The following DOCK2 variants were observed in gnomAD, a reference collection of about 807,000 sequenced individuals.
DOCK2 encodes dedicator of cytokinesis protein 2.
In DOCK2, 87 loss-of-function variants were observed where a neutral mutation model predicts 248.9. The observed-to-expected ratio is 0.35, with a 90% CI of 0.29 to 0.42. DOCK2 has a LOEUF of 0.42. DOCK2 is among the 10% of genes least tolerant of loss of function. The pLI is 1.00. For missense variants in DOCK2, 1,747 were observed against 2,300.2 expected, an observed-to-expected ratio of 0.76 and a Z score of 4.92; for synonymous variants, 805 against 821.6, an observed-to-expected ratio of 0.98 and a Z score of 0.35.
chr5:169,875,336 T>C (rs1311888150), intron 27 of DOCK2: 2 of 456,538 alleles, frequency 4.4e-6, no homozygotes, highest in South Asian at 1.5e-5. Context: ...GAGGTTCCGA[T>C]GCAGATGGTC....
intron 28 of DOCK2, among the ~76,000 whole-genome samples, chr5:169,983,676 A>G (rs1259840857): frequency 6.6e-6 from 1 of 152,136 alleles, no homozygotes; most frequent in African/African-American, 2.4e-5. Context: ...AGCCCAGCCC[A>G]GGCTGTTCCT....
chr5:169,882,624 C>T (rs964343957), intron 27 of DOCK2: 10 of 1,551,688 alleles, frequency 6.4e-6, no homozygotes, highest in African/African-American at 4.1e-5. Context: ...TCTCTTGGTT[C>T]GAGTGCAGAG....
chr5:170,069,461 G>T (rs572306644), intron 46 of DOCK2, among the ~76,000 whole-genome samples: 1 of 152,300 alleles, frequency 6.6e-6, no homozygotes, highest in South Asian at 2.1e-4. Flanking sequence ...ATGCTGGATG[G>T]TGCCAAGATT....
intron 44 of DOCK2, among the ~76,000 whole-genome samples, chr5:170,065,476 CA>C (rs1554129593): frequency 0.019 from 2,809 of 144,382 alleles, 78 homozygotes; most frequent in African/African-American, 0.075. Flanking sequence ...ACAACAACAA[CA>C]AAAAAACCTA....
At chr5:169,936,898 C>G (rs1776025167) in intron 27 of DOCK2, among the ~76,000 whole-genome samples, 1 of 152,232 alleles carries the variant, frequency 6.6e-6, no homozygotes, top group Non-Finnish European at 1.5e-5. Context: ...GAGCCAGACA[C>G]TTAATAATTC....
Position 169,747,521 on chromosome 5 carries a change from A to G in DOCK2, c.2376+17A>G, listed in dbSNP as rs759826404. Reference sequence around the variant, plus strand: ...CTTTTGCAGGTTGGTTTATGCTACAATAAAATCTATCTTCTCCTTGGCCAT... The same window carrying G: ...CTTTTGCAGGTTGGTTTATGCTACAGTAAAATCTATCTTCTCCTTGGCCAT... On this transcript the variant is annotated intron_variant, in intron 23 of 51. Transcript: ENST00000520908. 3.1e-6 allele frequency: 5 copies of G among 1,596,708 alleles called. No homozygotes were observed. Among genetic ancestry groups the G allele is most frequent in the African/African-American group, 1.3e-5 (1 of 74,258 alleles).
chr5:169,977,033 G>A (rs916951960), intron 27 of DOCK2, among the ~76,000 whole-genome samples: 2 of 152,192 alleles, frequency 1.3e-5, no homozygotes, highest in Admixed American at 6.5e-5. Context: ...GTCACTGCAC[G>A]CAAAGACAGA....
intron 28 of DOCK2, 64 bp from the exon 29 acceptor site, chr5:169,985,764 G>A: frequency 1.4e-6 from 2 of 1,383,662 alleles, no homozygotes; most frequent in Non-Finnish European, 1.9e-6. Context: ...AAAATTTGAA[G>A]AGCCAACAAG....
At chr5:169,911,326 T>C (rs1315948195) in intron 27 of DOCK2, among the ~76,000 whole-genome samples, 1 of 152,180 alleles carries the variant, frequency 6.6e-6, no homozygotes, top group Non-Finnish European at 1.5e-5. Context: ...TGTATGAATT[T>C]CTGTTTATTA....
At chr5:169,882,875 G>C in intron 27 of DOCK2, 1 of 1,551,608 alleles carries the variant, frequency 6.4e-7, no homozygotes, top group Non-Finnish European at 8.7e-7. Flanking sequence ...TTAGTTTTGA[G>C]TGACACCAGA....
chr5:169,675,146 G>A (rs1759259701), intron 6 of DOCK2, among the ~76,000 whole-genome samples: 1 of 152,214 alleles, frequency 6.6e-6, no homozygotes, highest in South Asian at 2.1e-4. Context: ...TTTCAGTAGG[G>A]TAGGTAACTT....
At chr5:169,765,384 G>T (rs1242324209) in intron 25 of DOCK2, among the ~76,000 whole-genome samples, 4 of 152,172 alleles carry the variant, frequency 2.6e-5, no homozygotes, top group Non-Finnish European at 5.9e-5. Flanking sequence ...AGTGAGAGGA[G>T]AACTGAGAAA....
intron 25 of DOCK2, among the ~76,000 whole-genome samples, chr5:169,797,021 G>A (rs10073677): frequency 0.53 from 80,435 of 152,116 alleles, 23,077 homozygotes; most frequent in East Asian, 0.79. Context: ...TGTGCAGGGA[G>A]CAGGTAGGGT....
chr5:169,675,791 C>T (rs1181446456), intron 6 of DOCK2, among the ~76,000 whole-genome samples: 2 of 152,216 alleles, frequency 1.3e-5, no homozygotes, highest in African/African-American at 4.8e-5. Context: ...CCAGGCCAGG[C>T]TTTCTTGCCC....
intron 25 of DOCK2, 26 bp downstream of exon 25, chr5:169,761,651 G>A (rs752549311): frequency 1.2e-6 from 2 of 1,601,066 alleles, no homozygotes; most frequent in Non-Finnish European, 1.7e-6. Context: ...CCTTGCTGGG[G>A]TGGGGTAAGG....
At chr5:169,997,841 C>T (rs887006421) in intron 30 of DOCK2, 2 of 442,450 alleles carry the variant, frequency 4.5e-6, no homozygotes, top group African/African-American at 4.0e-5. Context: ...CACACTTGCT[C>T]ATCTAAGTTG....
chr5:169,742,099 A>G (rs1763347016), intron 22 of DOCK2, among the ~76,000 whole-genome samples: 1 of 152,126 alleles, frequency 6.6e-6, no homozygotes, highest in Admixed American at 6.6e-5. Context: ...TACAGGTGTG[A>G]GCCACTGCGC....
intron 30 of DOCK2, among the ~76,000 whole-genome samples, chr5:170,006,683 A>G (rs1156549176): frequency 6.6e-6 from 1 of 152,208 alleles, no homozygotes; most frequent in Admixed American, 6.5e-5. Flanking sequence ...TAAAGAAAAA[A>G]GCATTCACTC....
chr5:169,879,038 C>G (rs1772484944), intron 27 of DOCK2, among the ~76,000 whole-genome samples: 1 of 152,124 alleles, frequency 6.6e-6, no homozygotes, highest in Admixed American at 6.5e-5. Flanking sequence ...TTAGATAGAA[C>G]CAGATGACCC....
Sources: gnomAD v4.1 joint callset for allele counts (sites outside exome capture counted in the v4.1 genomes callset) on GRCh38, gnomAD v4.1.1 for gene constraint, MANE v1.5 for transcripts, NCBI Gene and HGNC (gene_info 2026-07-23, HGNC 2026-07-21) for gene names.